Variants in LRMDA observed in about 807,000 individuals in gnomAD.
LRMDA encodes leucine rich melanocyte differentiation associated.
LRMDA carries 18 observed loss-of-function variants against 29.8 expected under a neutral mutation model. That is an observed-to-expected ratio of 0.60 (90% CI 0.42 to 0.90). The LOEUF is 0.90. Among genes scored for constraint, LRMDA ranks in the 40% least tolerant of loss-of-function variants. The pLI, the probability that LRMDA is intolerant of heterozygous loss-of-function variation, is 0.00. For missense variants in LRMDA, 273 were observed against 273.9 expected (o/e 1.00, Z 0.02); for synonymous variants, 125 against 109.4 (o/e 1.14, Z -0.89).
chr10:75,666,340 A>G (rs929153064), intron 2 of LRMDA, among the ~76,000 whole-genome samples: 2 of 152,174 alleles, frequency 1.3e-5, no homozygotes, highest in East Asian at 1.9e-4. Flanking sequence ...ACTGTGAACT[A>G]AATAGTTTGA....
At chr10:75,534,374 A>G (rs140866079) in intron 2 of LRMDA, among the ~76,000 whole-genome samples, 86 of 152,286 alleles carry the variant, frequency 5.6e-4, no homozygotes, top group African/African-American at 1.7e-3. Context: ...GAAGTTAAGA[A>G]AAAACAGTGA....
chr10:76,012,693 G>A (rs965609335), intron 2 of LRMDA, among the ~76,000 whole-genome samples: 3 of 152,154 alleles, frequency 2.0e-5, no homozygotes, highest in Non-Finnish European at 4.4e-5. Flanking sequence ...ATGTATGTGC[G>A]TGTGACAGAC....
At chr10:75,893,732 A>G (rs1845534466) in intron 2 of LRMDA, among the ~76,000 whole-genome samples, 1 of 152,082 alleles carries the variant, frequency 6.6e-6, no homozygotes, top group Non-Finnish European at 1.5e-5. Context: ...TCAGGTGTTC[A>G]AGACCAGCCT....
At chr10:76,033,660 T>C (rs1848189889) in intron 2 of LRMDA, among the ~76,000 whole-genome samples, 1 of 152,156 alleles carries the variant, frequency 6.6e-6, no homozygotes, top group African/African-American at 2.4e-5. Flanking sequence ...ACAATGTGTA[T>C]TTGGATGCTG....
At chr10:75,432,409 A>G (rs935716452) in intron 1 of LRMDA, among the ~76,000 whole-genome samples, 4 of 152,212 alleles carry the variant, frequency 2.6e-5, no homozygotes, top group African/African-American at 7.2e-5. Context: ...GCCAGTTTCA[A>G]TCCTGGGTGC....
At chr10:76,474,204 C>A (rs1842645067) in intron 6 of LRMDA, among the ~76,000 whole-genome samples, 2 of 151,626 alleles carry the variant, frequency 1.3e-5, no homozygotes, top group South Asian at 4.1e-4. Flanking sequence ...ACACCTCACA[C>A]CATCTACAAA....
chr10:75,806,806 T>C (rs1231243839), intron 2 of LRMDA, among the ~76,000 whole-genome samples: 1 of 112,792 alleles, frequency 8.9e-6, no homozygotes, highest in Non-Finnish European at 2.0e-5. Flanking sequence ...ACACTGGAAA[T>C]TGCAAAAAAA....
chr10:75,674,301 C>T (rs973688986), intron 2 of LRMDA, among the ~76,000 whole-genome samples: 37 of 152,102 alleles, frequency 2.4e-4, no homozygotes, highest in Non-Finnish European at 4.4e-4. Flanking sequence ...CTGGGCAACC[C>T]GCACAACACC....
At chr10:76,261,065 T>TTTC (rs367770581) in intron 5 of LRMDA, among the ~76,000 whole-genome samples, 10 of 24,356 alleles carry the variant, frequency 4.1e-4, no homozygotes, top group East Asian at 3.5e-3. Flanking sequence ...TTTTCTTTTC[T>TTTC]TTTTTTTTTT....
chr10:76,142,386 C>T (rs1850218991), intron 5 of LRMDA, among the ~76,000 whole-genome samples: 1 of 152,016 alleles, frequency 6.6e-6, no homozygotes, highest in Non-Finnish European at 1.5e-5. Context: ...TAATCATTAT[C>T]TTGAATTTTG....
intron 6 of LRMDA, among the ~76,000 whole-genome samples, chr10:76,553,570 C>T (rs1024854359): frequency 1.3e-5 from 2 of 152,240 alleles, no homozygotes; most frequent in African/African-American, 4.8e-5. Flanking sequence ...AATTTACGAG[C>T]AGAGCCTCAT....
At chr10:76,135,373 T>A (rs982758658) in intron 5 of LRMDA, among the ~76,000 whole-genome samples, 1 of 152,228 alleles carries the variant, frequency 6.6e-6, no homozygotes, top group African/African-American at 2.4e-5. Flanking sequence ...TAAGTGGTAG[T>A]CCTATGCACC....
intron 5 of LRMDA, among the ~76,000 whole-genome samples, chr10:76,169,523 G>C (rs779726156): frequency 2.6e-5 from 4 of 152,032 alleles, no homozygotes; most frequent in Non-Finnish European, 4.4e-5. Context: ...AAATCACTGA[G>C]ACCCTACATT....
At chr10:76,418,708 T>C (rs1326506755) in intron 6 of LRMDA, among the ~76,000 whole-genome samples, 1 of 152,082 alleles carries the variant, frequency 6.6e-6, no homozygotes, top group African/African-American at 2.4e-5. Flanking sequence ...TCTCAGCTTT[T>C]AATTTTATTA....
At chr10:76,185,701 A>G (rs1851135890) in intron 5 of LRMDA, among the ~76,000 whole-genome samples, 1 of 152,230 alleles carries the variant, frequency 6.6e-6, no homozygotes, top group Non-Finnish European at 1.5e-5. Context: ...GCACATTTGT[A>G]TCCAGACATC....
chr10:76,117,784 C>T (rs1000115181), intron 5 of LRMDA, among the ~76,000 whole-genome samples: 2 of 152,174 alleles, frequency 1.3e-5, no homozygotes, highest in African/African-American at 4.8e-5. Context: ...GATACTTAGC[C>T]TTTACTGTAG....
chr10:76,285,992 G>A (rs934462952), intron 5 of LRMDA, among the ~76,000 whole-genome samples: 9 of 152,118 alleles, frequency 5.9e-5, no homozygotes, highest in Non-Finnish European at 1.0e-4. Context: ...CTGACCTTGC[G>A]TTGAGGCTAA....
At chr10:76,527,712 A>C (rs1326679742) in intron 6 of LRMDA, among the ~76,000 whole-genome samples, 1 of 152,194 alleles carries the variant, frequency 6.6e-6, no homozygotes, top group Admixed American at 6.6e-5. Flanking sequence ...GCTCAGTGTT[A>C]GCTATAATTA....
At chr10:75,974,545 C>G (rs902644421) in intron 2 of LRMDA, among the ~76,000 whole-genome samples, 3 of 152,092 alleles carry the variant, frequency 2.0e-5, no homozygotes, top group Non-Finnish European at 4.4e-5. Context: ...GCTTTTATAG[C>G]CTTACACTAA....
Sources: allele counts gnomAD v4.1 joint callset (sites outside exome capture counted in the v4.1 genomes callset), GRCh38; gene constraint gnomAD v4.1.1; transcripts MANE v1.5; gene names NCBI Gene and HGNC (gene_info 2026-07-23, HGNC 2026-07-21).